Variants in BICD1 observed in about 807,000 individuals in gnomAD.
BICD1 encodes BICD cargo adaptor 1.
BICD1 carries 35 observed loss-of-function variants against 92.5 expected under a neutral mutation model. That is an observed-to-expected ratio of 0.38 (90% confidence interval 0.29 to 0.50). The LOEUF is 0.50. Among genes scored for constraint, BICD1 ranks in the 20% least tolerant of loss-of-function variants. The pLI, the probability that BICD1 is intolerant of heterozygous loss-of-function variation, is 0.93. For synonymous variants in BICD1, 429 were observed against 465.1 expected (o/e 0.92, Z 1.00); for missense variants, 950 against 1,189.8 (o/e 0.80, Z 2.97).
chr12:32,110,421 G>T (rs1345844379), intron 1 of BICD1, among the ~76,000 whole-genome samples: 3 of 152,170 alleles, frequency 2.0e-5, no homozygotes, highest in African/African-American at 7.2e-5. Context: ...TTGAAAAAAG[G>T]ATGACTTCTG....
At chr12:32,136,387 G>A (rs1942734171) in intron 1 of BICD1, among the ~76,000 whole-genome samples, 2 of 152,210 alleles carry the variant, frequency 1.3e-5, no homozygotes, top group South Asian at 4.1e-4. Context: ...GAATGGTGCT[G>A]GGCTGGGGCA....
At chr12:32,287,256 G>C (rs1947594309) in intron 2 of BICD1, among the ~76,000 whole-genome samples, 1 of 152,132 alleles carries the variant, frequency 6.6e-6, no homozygotes, top group African/African-American at 2.4e-5. Flanking sequence ...AGTAGTACTA[G>C]TAGCACTTGT....
intron 1 of BICD1, among the ~76,000 whole-genome samples, chr12:32,138,047 C>T (rs1414328423): frequency 6.6e-6 from 1 of 152,172 alleles, no homozygotes; most frequent in African/African-American, 2.4e-5. Flanking sequence ...AATCCGCCTG[C>T]CTTGGCCTCC....
intron 4 of BICD1, among the ~76,000 whole-genome samples, chr12:32,306,533 G>T (rs7487398): frequency 6.6e-6 from 1 of 151,744 alleles, no homozygotes; most frequent in Admixed American, 6.6e-5. Context: ...GTGAGCCACC[G>T]CGCCCAGCCC....
chr12:32,292,904 A>T (rs2136191679), intron 2 of BICD1, among the ~76,000 whole-genome samples: 1 of 152,352 alleles, frequency 6.6e-6, no homozygotes, highest in South Asian at 2.1e-4. Flanking sequence ...TTTTGAACTA[A>T]AACATAGCTT....
intron 2 of BICD1, among the ~76,000 whole-genome samples, chr12:32,257,865 T>C (rs1195050794): frequency 6.6e-6 from 1 of 152,228 alleles, no homozygotes; most frequent in Non-Finnish European, 1.5e-5. Flanking sequence ...ATATAATATA[T>C]AGATGATACA....
At chr12:32,301,081 G>A (rs1448961270) in intron 3 of BICD1, among the ~76,000 whole-genome samples, 1 of 152,072 alleles carries the variant, frequency 6.6e-6, no homozygotes, top group Non-Finnish European at 1.5e-5. Context: ...CTTTCATAAG[G>A]AGGTAAAGGC....
chr12:32,309,516 A>C (rs1948321304), intron 4 of BICD1, among the ~76,000 whole-genome samples: 1 of 152,224 alleles, frequency 6.6e-6, no homozygotes, highest in Non-Finnish European at 1.5e-5. Flanking sequence ...GAGTATTCAC[A>C]CTAAGAATAA....
At position 32,171,988 on chromosome 12, in the gene BICD1, C is replaced by CACACACACACATATAT. The variant is rs1555141634; in HGVS notation, c.214-44257_214-44256insACACACACATATATAC. ...ACACACACACACACACACACACACA[C>CACACACACACATATAT]ACTAAAACTGCTGACATTGAGCATT... On this transcript the variant is annotated intron_variant, in intron 1 of 9. Coordinates refer to ENST00000652176, the MANE Select transcript of BICD1 (RefSeq NM_001714.4). Among the ~76,000 whole-genome samples the CACACACACACATATAT allele has an allele frequency of 1.6e-3, 210 of 132,532 alleles. 1 individual carries two copies. Among genetic ancestry groups the CACACACACACATATAT allele is most frequent in the Non-Finnish European group, 2.8e-3 (176 of 61,900 alleles). 86.9% of individuals were successfully genotyped at this position (132,532 alleles called of 152,430 possible).
At chr12:32,289,226 A>C (rs930958692) in intron 2 of BICD1, among the ~76,000 whole-genome samples, 43 of 152,348 alleles carry the variant, frequency 2.8e-4, no homozygotes, top group African/African-American at 9.4e-4. Flanking sequence ...CCACTTCCCC[A>C]CTGCACCATA....
chr12:32,306,592 G>A (rs190879090), intron 4 of BICD1, among the ~76,000 whole-genome samples: 92 of 152,102 alleles, frequency 6.0e-4, no homozygotes, highest in Admixed American at 1.2e-3. Context: ...CTTCGAAAGT[G>A]CAGTATTTTA....
intron 4 of BICD1, among the ~76,000 whole-genome samples, chr12:32,322,642 G>T (rs1032360617): frequency 6.6e-6 from 1 of 152,208 alleles, no homozygotes; most frequent in Non-Finnish European, 1.5e-5. Context: ...GTTGTGTAGG[G>T]AGGAAACACA....
chr12:32,175,505 C>T (rs752397204), intron 1 of BICD1, among the ~76,000 whole-genome samples: 1 of 151,988 alleles, frequency 6.6e-6, no homozygotes, highest in East Asian at 1.9e-4. Flanking sequence ...TTAGTAGAGA[C>T]GGGATTTCGC....
intron 4 of BICD1, among the ~76,000 whole-genome samples, chr12:32,311,431 G>A (rs1021530081): frequency 3.9e-5 from 6 of 152,198 alleles, no homozygotes; most frequent in South Asian, 2.1e-4. Context: ...CCCAGGAGGC[G>A]GAGGTTGCAG....
intron 2 of BICD1, among the ~76,000 whole-genome samples, chr12:32,279,030 G>T (rs912612157): frequency 2.4e-4 from 36 of 152,134 alleles, no homozygotes; most frequent in African/African-American, 8.2e-4. Context: ...AATAGATTTT[G>T]TGCTGCAGCA....
At chr12:32,375,580 G>A (rs1275445324) in intron 9 of BICD1, among the ~76,000 whole-genome samples, 1 of 152,066 alleles carries the variant, frequency 6.6e-6, no homozygotes, top group Non-Finnish European at 1.5e-5. Context: ...TTTTGTTGAA[G>A]GTCCAGTTCT....
At chr12:32,120,330 A>T (rs1942097016) in intron 1 of BICD1, among the ~76,000 whole-genome samples, 1 of 152,250 alleles carries the variant, frequency 6.6e-6, no homozygotes, top group African/African-American at 2.4e-5. Flanking sequence ...CTTTAAATAT[A>T]GAATTGAAAA....
In BICD1 at chr12:32,334,640, C is replaced by T; in HGVS notation, c.2225C>T (p.Ser742Leu). The T allele has an allele frequency of 1.9e-6, 3 of 1,612,662 alleles. No homozygotes were observed. The highest frequency in any genetic ancestry group is 2.5e-6 in the Non-Finnish European group (3 of 1,179,460). Residue 742 changes from serine to leucine, a missense_variant, in exon 6 of 10, where the codon TCA (serine) becomes TTA (leucine). Physicochemically the swap from Ser to Leu is moderately radical, Grantham distance 145. Coordinates refer to ENST00000652176, the MANE Select transcript of BICD1 (RefSeq NM_001714.4). The stretch of plus-strand genomic sequence containing the variant: ...TTGAAAGAAGATGCTGCAACCTTCT[C>T]ATCCCTGAGAGCAATGTTTGCAACA... ...KALKEDAATF[S>L]SLRAMFATRC... is the part of the protein sequence containing the mutation.
chr12:32,207,834 G>T (rs1945105336), intron 1 of BICD1, among the ~76,000 whole-genome samples: 1 of 152,178 alleles, frequency 6.6e-6, no homozygotes, highest in South Asian at 2.1e-4. Context: ...TGAGAAAAAA[G>T]ATTCATCAGG....
Sources: gnomAD v4.1 joint callset for allele counts (sites outside exome capture counted in the v4.1 genomes callset) on GRCh38, gnomAD v4.1.1 for gene constraint, MANE v1.5 for transcripts, NCBI Gene and HGNC (gene_info 2026-07-23, HGNC 2026-07-21) for gene names.